The following SELENOI variants were observed in gnomAD, a reference collection of about 807,000 sequenced individuals.
SELENOI encodes the protein selenoprotein I.
A neutral mutation model predicts 50.7 loss-of-function variants in SELENOI; 24 were observed. That is an observed-to-expected ratio of 0.47 (90% CI 0.34 to 0.67). The LOEUF (loss-of-function observed/expected upper bound fraction) is 0.67, where lower values mean the gene tolerates loss of function less well. SELENOI is among the 30% of genes least tolerant of loss of function. The pLI is 0.01. For synonymous variants in SELENOI, 155 were observed against 170.2 expected (o/e 0.91, Z 0.70); for missense variants, 352 against 461.4 (o/e 0.76, Z 2.17).
Position 26,357,955 on chromosome 2 carries a change from T to G in SELENOI, c.58-6347T>G, listed in dbSNP as rs143766330. Among the ~76,000 whole-genome samples the G allele has an allele frequency of 5.8e-4, 88 of 152,266 alleles. 1 individual carries two copies. The East Asian group carries it at 7.7e-3, about 13-fold the overall frequency. ...GTGGTAGTAAATAAGTCTCATGAGATCTGATGGTTTTATAAGAGGAAACCC... is the reference window on the plus strand; with the variant it reads ...GTGGTAGTAAATAAGTCTCATGAGAGCTGATGGTTTTATAAGAGGAAACCC... On this transcript the variant is annotated intron_variant, in intron 1 of 9. Coordinates refer to ENST00000260585, the MANE Select transcript of SELENOI (RefSeq NM_033505.4).
At chr2:26,370,311 C>T (rs1255042230) in intron 4 of SELENOI, among the ~76,000 whole-genome samples, 1 of 151,766 alleles carries the variant, frequency 6.6e-6, no homozygotes, top group African/African-American at 2.4e-5. Context: ...CCCCACCTTT[C>T]CCCCCTTTCT....
intron 1 of SELENOI, among the ~76,000 whole-genome samples, chr2:26,350,737 C>T (rs1385084197): frequency 6.6e-6 from 1 of 152,002 alleles, no homozygotes; most frequent in East Asian, 1.9e-4. Context: ...GAGGCAGCTT[C>T]CAGGGAGTGG....
chr2:26,391,490 T>A lies in SELENOI; in HGVS notation c.*2387T>A, dbSNP rs2147966369. ...TATAACATTTCCAAAGTATGAAAGG[T>A]CTTTCAGGCTTATGCATGATATTGT... On this transcript the variant is annotated 3_prime_UTR_variant, in exon 10 of 10. Transcript: ENST00000260585. 6.6e-6 allele frequency: 1 copy of A among 152,334 alleles called. No homozygotes were observed. Among genetic ancestry groups the A allele is most frequent in the South Asian group, 2.1e-4 (1 of 4,828 alleles). 9.4% of individuals were successfully genotyped at this position (152,334 alleles called of 1,614,324 possible).
chr2:26,364,961 T>A, intron 3 of SELENOI, 21 bp downstream of exon 3: 1 of 1,498,924 alleles, frequency 6.7e-7, no homozygotes. Flanking sequence ...TACTTTATTA[T>A]AAAATTTAAC....
intron 4 of SELENOI, among the ~76,000 whole-genome samples, chr2:26,373,081 G>A (rs1677492837): frequency 6.6e-6 from 1 of 152,136 alleles, no homozygotes; most frequent in Non-Finnish European, 1.5e-5. Flanking sequence ...TAAAGACAGA[G>A]TTTTGCTATG....
rs1676763096 is a variant in SELENOI at position 26,346,443 on chromosome 2, G to C, written c.57+154G>C. ...GAGGTCCTGCGGGTCCTGGGGATTGGGGGTCGGGGAGCGTGGGAGCATCCT... is the reference window on the plus strand; with the variant it reads ...GAGGTCCTGCGGGTCCTGGGGATTGCGGGTCGGGGAGCGTGGGAGCATCCT... On this transcript the variant is annotated intron_variant, in intron 1 of 9. Transcript: ENST00000260585. The C allele has an allele frequency of 4.2e-6, 4 of 942,246 alleles. No homozygotes were observed. The South Asian group carries it at 5.6e-5, about 13-fold the overall frequency. The allele number at this position is 942,246 out of a possible 1,614,324, so 58.4% of individuals were successfully genotyped here.
intron 6 of SELENOI, among the ~76,000 whole-genome samples, chr2:26,376,455 T>C (rs181554107): frequency 1.4e-4 from 22 of 152,356 alleles, no homozygotes; most frequent in African/African-American, 5.3e-4. Context: ...CTCTGGTATA[T>C]GAGACATATT....
Position 26,364,865 on chromosome 2 carries a change from A to C in SELENOI, c.160A>C (p.Thr54Pro). 6.2e-7 allele frequency: 1 copy of C among 1,610,220 alleles called. No individual in the cohort carries two copies. The highest frequency in any genetic ancestry group is 8.5e-7 in the Non-Finnish European group (1 of 1,178,390). ...FPTWLAPNLI[T>P]FSGFLLVVFN... ...TACTTGGCTGGCGCCCAATCTGATAACTTTTTCTGGCTTTCTGCTGGTCGT... is the reference window on the plus strand; with the variant it reads ...TACTTGGCTGGCGCCCAATCTGATACCTTTTTCTGGCTTTCTGCTGGTCGT... The change falls in exon 3 of 10, where the codon ACT becomes CCT. Residue 54 changes from threonine to proline, a missense_variant. By Grantham distance (38) the Thr-to-Pro change is conservative. Coordinates refer to ENST00000260585, the MANE Select transcript of SELENOI (RefSeq NM_033505.4).
intron 4 of SELENOI, among the ~76,000 whole-genome samples, chr2:26,370,125 T>C (rs1677383195): frequency 6.6e-6 from 1 of 151,308 alleles, no homozygotes; most frequent in Non-Finnish European, 1.5e-5. Flanking sequence ...CCTTAATCCA[T>C]TTAACTCTGA....
At chr2:26,375,214 C>A in intron 6 of SELENOI, 66 bp downstream of exon 6, 2 of 1,022,128 alleles carry the variant, frequency 2.0e-6, no homozygotes, top group Non-Finnish European at 3.0e-6. Context: ...CGGTATTTGA[C>A]TATAACAAGC....
chr2:26,372,284 T>C (rs1406495485), intron 4 of SELENOI, among the ~76,000 whole-genome samples: 2 of 152,224 alleles, frequency 1.3e-5, no homozygotes, highest in Non-Finnish European at 2.9e-5. Context: ...TAAGTTTTTG[T>C]ATTTTTAGTA....
rs1427800040 is a variant in SELENOI, at chr2:26,395,384, T to C, written c.*6281T>C. On this transcript the variant is annotated 3_prime_UTR_variant, in exon 10 of 10. Coordinates refer to ENST00000260585, the MANE Select transcript of SELENOI (RefSeq NM_033505.4). ...CTTTAAATATGTCACTTTCCCATTT[T>C]CCTTTAACCATGGGTTGTGTGAGCC... The C allele has an allele frequency of 3.3e-5, 5 of 152,208 alleles. No homozygotes were observed. The East Asian group carries it at 5.8e-4, about 18-fold the overall frequency. The allele number at this position is 152,208 out of a possible 1,614,324, so 9.4% of individuals were successfully genotyped here.
Position 26,386,595 on chromosome 2 carries a change from G to T in SELENOI, c.1095+59G>T, listed in dbSNP as rs1213502846. 6 of 1,393,884 alleles carry T rather than the reference G, an allele frequency of 4.3e-6. No homozygotes were observed. The African/African-American group carries it at 7.4e-5, about 17-fold the overall frequency. 86.3% of individuals were successfully genotyped at this position (1,393,884 alleles called of 1,614,324 possible). ...GGGCTTATAAATGGCACCAATAAAT[G>T]CCTCCGAGTAGAAAGGAGGCAATGG... On this transcript the variant is annotated intron_variant, in intron 9 of 9. Coordinates refer to ENST00000260585, the MANE Select transcript of SELENOI (RefSeq NM_033505.4).
chr2:26,386,082 T>G (rs1274108454), intron 8 of SELENOI, among the ~76,000 whole-genome samples: 1 of 152,094 alleles, frequency 6.6e-6, no homozygotes, highest in African/African-American at 2.4e-5. Flanking sequence ...TTATTCAAAC[T>G]GTTGCCCAGT....
intron 3 of SELENOI, 44 bp from the exon 4 acceptor site, chr2:26,367,102 C>T (rs766009844): frequency 4.0e-5 from 61 of 1,516,586 alleles, no homozygotes; most frequent in Non-Finnish European, 5.4e-5. Context: ...GTAAGAACTA[C>T]TGTACTTAAA....
At chr2:26,383,993 G>A (rs1462208435) in intron 7 of SELENOI, among the ~76,000 whole-genome samples, 1 of 152,158 alleles carries the variant, frequency 6.6e-6, no homozygotes, top group African/African-American at 2.4e-5. Context: ...TCTGGGTTGC[G>A]GGGAGAAGGG....
Position 26,373,115 on chromosome 2 carries a change from G to A in SELENOI, c.311-252G>A, listed in dbSNP as rs555135256. ...TGTTGCCCAGGCTGGTCTCAAACTTGTGGGCTCAAGTGATCCTCCTGCCTT... is the reference window on the plus strand; with the variant it reads ...TGTTGCCCAGGCTGGTCTCAAACTTATGGGCTCAAGTGATCCTCCTGCCTT... On this transcript the variant is annotated intron_variant, in intron 4 of 9. Coordinates refer to ENST00000260585, the MANE Select transcript of SELENOI (RefSeq NM_033505.4). Among the ~76,000 whole-genome samples the A allele has an allele frequency of 1.8e-4, 28 of 152,170 alleles. 1 individual carries two copies. In the South Asian group the frequency reaches 5.2e-3, roughly 28 times the overall value.
chr2:26,371,077 C>T (rs1423090519), intron 4 of SELENOI, among the ~76,000 whole-genome samples: 193 of 148,528 alleles, frequency 1.3e-3, no homozygotes, highest in African/African-American at 4.4e-3. Context: ...CCTCACCTCC[C>T]GGACGGGGCG....
At chr2:26,367,400 C>G (rs1285482641) in intron 4 of SELENOI, among the ~76,000 whole-genome samples, 180 bp downstream of exon 4, 1 of 152,096 alleles carries the variant, frequency 6.6e-6, no homozygotes, top group Non-Finnish European at 1.5e-5. Flanking sequence ...CATTCATTGC[C>G]AGGGATTCAC....
Sources: allele counts gnomAD v4.1 joint callset (sites outside exome capture counted in the v4.1 genomes callset), GRCh38; gene constraint gnomAD v4.1.1; transcripts MANE v1.5; gene names NCBI Gene and HGNC (gene_info 2026-07-23, HGNC 2026-07-21).